Variants in ERO1B observed in about 807,000 individuals in gnomAD.
The protein encoded by ERO1B is endoplasmic reticulum oxidoreductase 1 beta.
In ERO1B, 49 loss-of-function variants were observed where a neutral mutation model predicts 75.3. That is an observed-to-expected ratio of 0.65 (90% CI 0.52 to 0.83). ERO1B has a LOEUF of 0.83. Among genes scored for constraint, ERO1B ranks in the 40% least tolerant of loss-of-function variants. The pLI, the probability that ERO1B is intolerant of heterozygous loss-of-function variation, is 0.00. For missense variants in ERO1B, 512 were observed against 560.1 expected, an observed-to-expected ratio of 0.91 and a Z score of 0.87; for synonymous variants, 191 against 192.9, an observed-to-expected ratio of 0.99 and a Z score of 0.08.
At chr1:236,268,668 C>T (rs1404388440) in intron 2 of ERO1B, among the ~76,000 whole-genome samples, 9 of 151,812 alleles carry the variant, frequency 5.9e-5, no homozygotes, top group Non-Finnish European at 1.2e-4. Flanking sequence ...GGGCGGATCA[C>T]AAGGTCAGGA....
intron 2 of ERO1B, among the ~76,000 whole-genome samples, chr1:236,256,391 C>T (rs1474196809): frequency 1.3e-5 from 2 of 152,164 alleles, no homozygotes; most frequent in African/African-American, 4.8e-5. Context: ...GCACACTCTG[C>T]ACCTCCTTCC....
Position 236,215,567 on chromosome 1 carries a change from G to A in ERO1B, c.*2949C>T, listed in dbSNP as rs1384292740. 2 of 152,136 alleles carry A rather than the reference G, an allele frequency of 1.3e-5. No individual in the cohort carries two copies. Among genetic ancestry groups the A allele is most frequent in the Non-Finnish European group, 2.9e-5 (2 of 68,016 alleles). The allele number at this position is 152,136 out of a possible 1,614,324, so 9.4% of individuals were successfully genotyped here. A position where few individuals can be genotyped will look rare whatever the true frequency, so the allele number is the denominator to read the frequency against. On this transcript the variant is annotated 3_prime_UTR_variant, in exon 16 of 16. Coordinates refer to ENST00000354619, the MANE Select transcript of ERO1B (RefSeq NM_019891.4). ...AAGACAGAAAAGATTGCAGAAACAT[G>A]TACTTTAATTCACATTTTCTAGATT...
At position 236,215,252 on chromosome 1, in the gene ERO1B, G is replaced by C. The variant is rs1362476637; in HGVS notation, c.*3264C>G. Among the ~76,000 whole-genome samples the C allele has an allele frequency of 6.6e-6, 1 of 152,146 alleles. No individual in the cohort carries two copies. On this transcript the variant is annotated 3_prime_UTR_variant, in exon 16 of 16. Transcript: ENST00000354619. The stretch of plus-strand genomic sequence containing the variant: ...TCTCAAATTCTTGCTCCACAACCTA[G>C]AATTTGTGACTATGGACAGGTTACT...
At chr1:236,250,154 T>C (rs1373805644) in intron 4 of ERO1B, among the ~76,000 whole-genome samples, 187 bp from the exon 5 acceptor site, 1 of 152,052 alleles carries the variant, frequency 6.6e-6, no homozygotes, top group Non-Finnish European at 1.5e-5. Context: ...AACTAAATAT[T>C]ATTTCCATCA....
At chr1:236,279,814 A>C (rs1438043335) in intron 1 of ERO1B, among the ~76,000 whole-genome samples, 1 of 146,538 alleles carries the variant, frequency 6.8e-6, no homozygotes, top group African/African-American at 2.5e-5. Context: ...CATTGCATCC[A>C]GCCTGGCCAA....
chr1:236,232,958 G>A (rs1408163377), intron 8 of ERO1B, 119 bp from the exon 9 acceptor site: 7 of 747,536 alleles, frequency 9.4e-6, no homozygotes, highest in South Asian at 2.7e-5. Flanking sequence ...CTTGGTCACT[G>A]AGTAGACGCC....
chr1:236,253,366 C>A, intron 3 of ERO1B, 56 bp downstream of exon 3: 1 of 1,049,044 alleles, frequency 9.5e-7, no homozygotes, highest in Non-Finnish European at 1.4e-6. Flanking sequence ...AGAGGTTATG[C>A]TTTTCTAAAA....
chr1:236,239,851 G>GTATATATATGTGTA (rs1192575122), intron 6 of ERO1B, among the ~76,000 whole-genome samples: 1 of 61,042 alleles, frequency 1.6e-5, no homozygotes, highest in Non-Finnish European at 2.7e-5. Context: ...ATATATATGT[G>GTATATATATGTGTA]TATATATGTA....
intron 2 of ERO1B, among the ~76,000 whole-genome samples, chr1:236,257,236 G>A (rs1665178972): frequency 6.6e-6 from 1 of 152,032 alleles, no homozygotes; most frequent in Non-Finnish European, 1.5e-5. Flanking sequence ...AGAAACACCT[G>A]GTACATAAGA....
chr1:236,251,929 G>T, intron 4 of ERO1B, 121 bp downstream of exon 4: 1 of 707,144 alleles, frequency 1.4e-6, no homozygotes, highest in Non-Finnish European at 2.4e-6. Flanking sequence ...GGAATTCTGA[G>T]GCAAAATGTC....
At chr1:236,226,126 T>C in intron 12 of ERO1B, 143 bp downstream of exon 12, 4 of 778,960 alleles carry the variant, frequency 5.1e-6, no homozygotes, top group Non-Finnish European at 8.0e-6. Context: ...ATTTTTAAAT[T>C]CTGTTGTTCT....
intron 6 of ERO1B, among the ~76,000 whole-genome samples, chr1:236,239,809 G>GTATA (rs1364038644): frequency 5.5e-4 from 26 of 47,252 alleles, no homozygotes; most frequent in East Asian, 1.4e-3. Context: ...ATATATATGT[G>GTATA]TGTATATATA....
At chr1:236,262,898 CA>C (rs1469888991) in intron 2 of ERO1B, among the ~76,000 whole-genome samples, 1 of 152,094 alleles carries the variant, frequency 6.6e-6, no homozygotes, top group Non-Finnish European at 1.5e-5. Flanking sequence ...CCACCTTACC[CA>C]AGATTGGATC....
rs35564350 is a variant in ERO1B, at chr1:236,245,297, A to AAT, written c.432-1804_432-1803dup. 4.8e-3 allele frequency among the ~76,000 whole-genome samples: 166 copies of AAT among 34,776 alleles called. 35 individuals are homozygous for AAT. The highest frequency in any genetic ancestry group is 0.011 in the African/African-American group (108 of 9,516). 22.8% of individuals were successfully genotyped at this position (34,776 alleles called of 152,430 possible). A position where few individuals can be genotyped will look rare whatever the true frequency, so the allele number is the denominator to read the frequency against. ...GGTGTGAGTCACCATGCCCAGTCAA[A>AAT]ATATATATATATATATATATATATA... On this transcript the variant is annotated intron_variant, in intron 5 of 15. Coordinates refer to ENST00000354619, the MANE Select transcript of ERO1B (RefSeq NM_019891.4).
At chr1:236,279,716 G>A (rs555946827) in intron 1 of ERO1B, among the ~76,000 whole-genome samples, 20 of 150,696 alleles carry the variant, frequency 1.3e-4, no homozygotes, top group African/African-American at 4.6e-4. Context: ...GCGGTGGCAA[G>A]CACCTGTAAT....
At chr1:236,257,018 C>G (rs932125725) in intron 2 of ERO1B, among the ~76,000 whole-genome samples, 3 of 152,228 alleles carry the variant, frequency 2.0e-5, no homozygotes, top group African/African-American at 7.2e-5. Flanking sequence ...TGGCTTTCAG[C>G]TTCTCTGCAA....
Position 236,233,350 on chromosome 1 carries a change from G to C in ERO1B, c.674-511C>G, listed in dbSNP as rs371713805. On this transcript the variant is annotated intron_variant, in intron 8 of 15. Transcript: ENST00000354619. ...AAGAAGGCTGGGCACGGTGGCTCAG[G>C]CCTGTAATCCCAGCACTTTGGGAGG... Among the ~76,000 whole-genome samples, 339 of 150,250 alleles carry C rather than the reference G, an allele frequency of 2.3e-3. 2 individuals carry two copies. Among genetic ancestry groups the C allele is most frequent in the African/African-American group, 8.0e-3 (325 of 40,860 alleles).
rs747635390 is a variant in ERO1B, at chr1:236,269,896, T to A, written c.201A>T (p.Arg67Ser). Reference sequence around the variant, plus strand: ...TTACCTTGTAATAACGAAAATAGTCTCTCTCTTGCAATTTTTTTATTTTGG... The same window carrying A: ...TTACCTTGTAATAACGAAAATAGTCACTCTCTTGCAATTTTTTTATTTTGG... Reference protein sequence around the residue: ...IFPKIKKLQERDYFRYYKVNL... With the variant: ...IFPKIKKLQESDYFRYYKVNL... Residue 67 changes from arginine (R) to serine (S), a missense_variant, in exon 2 of 16, where the codon AGA becomes AGT. By Grantham distance (110) the Arg-to-Ser change is moderately radical. Transcript: ENST00000354619. The A allele has an allele frequency of 6.3e-7, 1 of 1,593,058 alleles. No individual in the cohort carries two copies. Among genetic ancestry groups the A allele is most frequent in the Non-Finnish European group, 8.6e-7 (1 of 1,161,244 alleles).
intron 2 of ERO1B, among the ~76,000 whole-genome samples, chr1:236,253,768 C>T (rs1665096100): frequency 6.6e-6 from 1 of 152,208 alleles, no homozygotes; most frequent in Non-Finnish European, 1.5e-5. Context: ...TGAGAATTCT[C>T]TCATGCACCC....
Sources: gnomAD v4.1 joint callset for allele counts (sites outside exome capture counted in the v4.1 genomes callset) on GRCh38, gnomAD v4.1.1 for gene constraint, MANE v1.5 for transcripts, NCBI Gene and HGNC (gene_info 2026-07-23, HGNC 2026-07-21) for gene names.